The following PLAGL1 variants were observed in gnomAD, a reference collection of about 807,000 sequenced individuals.
The protein encoded by PLAGL1 is zinc finger protein PLAGL1.
A neutral mutation model predicts 4.6 loss-of-function variants in PLAGL1; 1 was observed. That is an observed-to-expected ratio of 0.22 (90% CI 0.08 to 1.03). The LOEUF is 1.03. PLAGL1 is among the 50% of genes least tolerant of loss of function. The pLI is 0.58. For synonymous variants in PLAGL1, 240 were observed against 237.8 expected, an observed-to-expected ratio of 1.01 and a Z score of -0.08; for missense variants, 464 against 570.4, an observed-to-expected ratio of 0.81 and a Z score of 1.90.
At chr6:143,969,075 T>C (rs1456558087) in intron 2 of PLAGL1, 97 bp from the exon 3 acceptor site, 1 of 151,352 alleles carries the variant, frequency 6.6e-6, no homozygotes, top group Non-Finnish European at 1.5e-5. Context: ...AATCAGAATA[T>C]GAGTTCAAGG....
At chr6:144,040,567 T>TA (rs201790550) in intron 1 of PLAGL1, among the ~76,000 whole-genome samples, 8 of 143,288 alleles carry the variant, frequency 5.6e-5, no homozygotes, top group Admixed American at 1.4e-4. Context: ...AAACAATGTC[T>TA]AAAAAAAAAT....
chr6:144,048,225 C>T lies in PLAGL1; in HGVS notation c.-151+16243G>A, dbSNP rs1057284993. Among the ~76,000 whole-genome samples the T allele has an allele frequency of 6.6e-6, 1 of 152,186 alleles. No homozygotes were observed. Among genetic ancestry groups the T allele is most frequent in the Non-Finnish European group, 1.5e-5 (1 of 68,028 alleles). On this transcript the variant is annotated intron_variant, in intron 1 of 3. Transcript: ENST00000437412. The surrounding 1 kb of genome is among the most constrained non-coding windows in gnomAD (Gnocchi z 4.8). ...CCTCCCTCTTGGCTGCTTTCATGGG[C>T]TGGCATTGAGTGTTGGTGGCTTTTC...
At chr6:144,047,244 C>T (rs1054051234) in intron 1 of PLAGL1, among the ~76,000 whole-genome samples, 3 of 152,132 alleles carry the variant, frequency 2.0e-5, no homozygotes, top group African/African-American at 4.8e-5. Flanking sequence ...CCAGGTACCT[C>T]GGTTGGAAAT....
intron 1 of PLAGL1, among the ~76,000 whole-genome samples, chr6:144,051,868 C>A (rs1798606598): frequency 3.9e-5 from 6 of 152,186 alleles, no homozygotes; most frequent in Admixed American, 3.9e-4. Context: ...TAATCACCTC[C>A]CACTGGGTTA....
In PLAGL1 at chr6:144,000,213, A is replaced by G. The variant is rs1792548962; in HGVS notation, c.-584+7877T>C. Among the ~76,000 whole-genome samples the G allele has an allele frequency of 6.6e-6, 1 of 152,190 alleles. No homozygotes were observed. Among genetic ancestry groups the G allele is most frequent in the Non-Finnish European group, 1.5e-5 (1 of 68,012 alleles). On this transcript the variant is annotated intron_variant, in intron 1 of 7. Transcript: ENST00000674357. This position sits in a 1 kb window ranked among gnomAD's most constrained non-coding sequence, Gnocchi z 4.1. ...CATTCTTATGTAAGTCAGAAGCAAAATAAGAATGCCCATGATCAGTACCAC... is the reference window on the plus strand; with the variant it reads ...CATTCTTATGTAAGTCAGAAGCAAAGTAAGAATGCCCATGATCAGTACCAC...
At position 144,055,096 on chromosome 6, in the gene PLAGL1, A is replaced by G. The variant is rs937480225; in HGVS notation, c.-151+9372T>C. Among the ~76,000 whole-genome samples, 5 of 152,186 alleles carry G rather than the reference A, an allele frequency of 3.3e-5. No homozygotes were observed. The highest frequency in any genetic ancestry group is 7.3e-5 in the Non-Finnish European group (5 of 68,028). Reference sequence around the variant, plus strand: ...GAAGCTCAAAAAAATAGAACTTTCTATTGAAAAACACCCTTTACATATAGT... The same window carrying G: ...GAAGCTCAAAAAAATAGAACTTTCTGTTGAAAAACACCCTTTACATATAGT... On this transcript the variant is annotated intron_variant, in intron 1 of 3. Transcript: ENST00000437412. This position sits in a 1 kb window ranked among gnomAD's most constrained non-coding sequence, Gnocchi z 5.0.
At chr6:144,023,150 A>G (rs1284752374) in intron 1 of PLAGL1, among the ~76,000 whole-genome samples, 1 of 152,256 alleles carries the variant, frequency 6.6e-6, no homozygotes, top group Non-Finnish European at 1.5e-5. Context: ...TACATACTGT[A>G]TGATTCCATT....
At position 143,984,475 on chromosome 6, in the gene PLAGL1, TC is replaced by T. The variant is rs576777762; in HGVS notation, c.-544+659del. Among the ~76,000 whole-genome samples, 332 of 152,200 alleles carry T rather than the reference TC, an allele frequency of 2.2e-3. 1 individual carries two copies. The highest frequency in any genetic ancestry group is 7.5e-3 in the African/African-American group (310 of 41,522). ...ATTTTCCATATAATATCAGTTAACA[TC>T]CTAAGGAATGAGTATGCCAAGGTAG... On this transcript the variant is annotated intron_variant, in intron 2 of 7. Transcript: ENST00000674357. The surrounding 1 kb of genome is among the most constrained non-coding windows in gnomAD (Gnocchi z 5.5).
At position 143,968,413 on chromosome 6, in the gene PLAGL1, C is replaced by T. The variant is rs2128574122; in HGVS notation, c.-472+494G>A. Reference sequence around the variant, plus strand: ...GTGGTTTAGAGACTCTGAATTGTAACATACGTTACATTCTAGATATCTGAT... The same window carrying T: ...GTGGTTTAGAGACTCTGAATTGTAATATACGTTACATTCTAGATATCTGAT... On this transcript the variant is annotated intron_variant, in intron 3 of 7. Coordinates refer to ENST00000674357, the MANE Select transcript of PLAGL1 (RefSeq NM_001317162.2). The surrounding 1 kb of genome is among the most constrained non-coding windows in gnomAD (Gnocchi z 6.3). 1 of 151,754 alleles carries T rather than the reference C, an allele frequency of 6.6e-6. No individual in the cohort carries two copies. The highest frequency in any genetic ancestry group is 2.1e-4 in the South Asian group (1 of 4,806). The allele number at this position is 151,754 out of a possible 1,614,324, so 9.4% of individuals were successfully genotyped here.
At chr6:143,977,088 C>A (rs56826952) in intron 2 of PLAGL1, among the ~76,000 whole-genome samples, 19 of 146,816 alleles carry the variant, frequency 1.3e-4, no homozygotes, top group South Asian at 2.3e-4. Flanking sequence ...TCCCTTCCCC[C>A]CCCCCAACAC....
chr6:144,015,809 A>T lies in PLAGL1; in HGVS notation c.-150-46831T>A, dbSNP rs1023852967. On this transcript the variant is annotated intron_variant, in intron 1 of 3. Transcript: ENST00000437412. This position sits in a 1 kb window ranked among gnomAD's most constrained non-coding sequence, Gnocchi z 4.3. ...TATAAAATGATACAGCCACTTTGGA[A>T]AACAGTTTGAAAGTTTCTTATAAAG... 3.9e-5 allele frequency among the ~76,000 whole-genome samples: 6 copies of T among 152,240 alleles called. No individual in the cohort carries two copies. Among genetic ancestry groups the T allele is most frequent in the African/African-American group, 1.4e-4 (6 of 41,464 alleles).
chr6:144,035,103 G>T (rs1797121964), intron 1 of PLAGL1, among the ~76,000 whole-genome samples: 1 of 152,128 alleles, frequency 6.6e-6, no homozygotes, highest in Admixed American at 6.5e-5. Context: ...TCAGGGGGTT[G>T]GGGGTATATT....
chr6:143,987,490 A>G (rs929403345), intron 1 of PLAGL1, among the ~76,000 whole-genome samples: 2 of 115,818 alleles, frequency 1.7e-5, no homozygotes, highest in South Asian at 2.9e-4. Context: ...TATATTGCCC[A>G]GGCTAGTCTT....
At position 143,997,340 on chromosome 6, in the gene PLAGL1, A is replaced by C. The variant is rs1791861083; in HGVS notation, c.-584+10750T>G. Reference sequence around the variant, plus strand: ...CCAAAAGACTTGTGAATGAGTATTCACAGCAGGTCTATTTGTAAGAACCCA... The same window carrying C: ...CCAAAAGACTTGTGAATGAGTATTCCCAGCAGGTCTATTTGTAAGAACCCA... On this transcript the variant is annotated intron_variant, in intron 1 of 7. Transcript: ENST00000674357. This position sits in a 1 kb window ranked among gnomAD's most constrained non-coding sequence, Gnocchi z 4.6. Among the ~76,000 whole-genome samples the C allele has an allele frequency of 6.6e-6, 1 of 152,222 alleles. No individual in the cohort carries two copies.
chr6:144,019,967 C>A (rs541594460), intron 1 of PLAGL1, among the ~76,000 whole-genome samples: 3 of 152,182 alleles, frequency 2.0e-5, no homozygotes, highest in Non-Finnish European at 4.4e-5. Context: ...TGTCCCCCTG[C>A]AAATTAGTAT....
At position 144,022,438 on chromosome 6, in the gene PLAGL1, T is replaced by C. The variant is rs952725015; in HGVS notation, c.-151+42030A>G. Among the ~76,000 whole-genome samples the C allele has an allele frequency of 2.6e-5, 4 of 152,252 alleles. No individual in the cohort carries two copies. The highest frequency in any genetic ancestry group is 5.9e-5 in the Non-Finnish European group (4 of 68,044). ...AACAATCCATCATTGGTGATGGGAA[T>C]GCAAAATGGTACAGCCACTTTGGAA... On this transcript the variant is annotated intron_variant, in intron 1 of 3. Transcript: ENST00000437412. This position sits in a 1 kb window ranked among gnomAD's most constrained non-coding sequence, Gnocchi z 4.2.
chr6:143,966,106 T>C lies in PLAGL1; in HGVS notation c.-431+52A>G, dbSNP rs1309554995. 1 of 152,240 alleles carries C rather than the reference T, an allele frequency of 6.6e-6. No individual in the cohort carries two copies. Among genetic ancestry groups the C allele is most frequent in the African/African-American group, 2.4e-5 (1 of 41,444 alleles). The allele number at this position is 152,240 out of a possible 1,614,324, so 9.4% of individuals were successfully genotyped here. A position where few individuals can be genotyped will look rare whatever the true frequency, so the allele number is the denominator to read the frequency against. ...CGGTTCCCCTTCATTCTAATCACAA[T>C]GCTGCTGCCAGGCTGATTCTTCTAA... On this transcript the variant is annotated intron_variant, in intron 4 of 7. Coordinates refer to ENST00000674357, the MANE Select transcript of PLAGL1 (RefSeq NM_001317162.2). This position sits in a 1 kb window ranked among gnomAD's most constrained non-coding sequence, Gnocchi z 6.0.
chr6:144,010,483 G>A (rs926543271), upstream of PLAGL1, among the ~76,000 whole-genome samples: 4 of 152,182 alleles, frequency 2.6e-5, no homozygotes, highest in African/African-American at 9.7e-5. This position sits in a 1 kb window ranked among gnomAD's most constrained non-coding sequence, Gnocchi z 4.1. Flanking sequence ...AACATTCCAT[G>A]CTCATGGATT....
intron 1 of PLAGL1, among the ~76,000 whole-genome samples, chr6:144,018,152 A>G (rs1450904574): frequency 3.3e-5 from 5 of 152,238 alleles, no homozygotes; most frequent in Non-Finnish European, 7.4e-5. Context: ...TTCGGGGAAC[A>G]TTGAAGAGGA....
Sources: allele counts gnomAD v4.1 joint callset (sites outside exome capture counted in the v4.1 genomes callset), GRCh38; gene constraint gnomAD v4.1.1; non-coding constraint Gnocchi (gnomAD v3.1); transcripts MANE v1.5; gene names NCBI Gene and HGNC (gene_info 2026-07-23, HGNC 2026-07-21).